CTNNA3: variants seen among roughly 807,000 people sequenced by gnomAD.
CTNNA3 encodes catenin alpha 3.
Under a neutral mutation model 95.7 loss-of-function variants are expected in CTNNA3, and 76 were observed. The observed-to-expected ratio is 0.79, with a 90% confidence interval of 0.66 to 0.96. CTNNA3 has a LOEUF of 0.96. Among genes scored for constraint, CTNNA3 ranks in the 40% least tolerant of loss-of-function variants. CTNNA3 has a pLI of 0.00. For missense variants in CTNNA3, 1,191 were observed against 1,089.8 expected, an observed-to-expected ratio of 1.09 and a Z score of -1.31; for synonymous variants, 431 against 374.4, an observed-to-expected ratio of 1.15 and a Z score of -1.74.
chr10:66,882,784 G>A lies in CTNNA3; in HGVS notation c.1048-107260C>T, dbSNP rs556585101. Among the ~76,000 whole-genome samples, 6 of 152,090 alleles carry A rather than the reference G, an allele frequency of 3.9e-5. No individual in the cohort carries two copies. The South Asian group carries it at 1.0e-3, about 26-fold the overall frequency. ...GAGAGAAGTGAAATAATTTATCAAG[G>A]GGAAAAAGATGAAAGCACAAAAGCA... On this transcript the variant is annotated intron_variant, in intron 7 of 17. Coordinates refer to ENST00000433211, the MANE Select transcript of CTNNA3 (RefSeq NM_013266.4).
At chr10:67,699,813 G>A (rs571121618), upstream of CTNNA3, among the ~76,000 whole-genome samples, 1 of 152,350 alleles carries the variant, frequency 6.6e-6, no homozygotes, top group East Asian at 1.9e-4. Flanking sequence ...GCCGAAGTCG[G>A]GCAAGCCACT....
intron 2 of CTNNA3, among the ~76,000 whole-genome samples, chr10:67,618,727 A>G (rs557496137): frequency 6.6e-5 from 10 of 152,344 alleles, no homozygotes; most frequent in African/African-American, 2.4e-4. Flanking sequence ...ATTTTATAGC[A>G]ACCAAAATAT....
chr10:67,301,560 T>C (rs948383751), intron 5 of CTNNA3, among the ~76,000 whole-genome samples: 7 of 152,190 alleles, frequency 4.6e-5, no homozygotes, highest in Admixed American at 4.6e-4. Flanking sequence ...CCCATGTTCA[T>C]AGCAGCATTA....
At chr10:66,377,175 G>T (rs933324167) in intron 12 of CTNNA3, among the ~76,000 whole-genome samples, 1 of 152,026 alleles carries the variant, frequency 6.6e-6, no homozygotes, top group Non-Finnish European at 1.5e-5. Context: ...ATTTTTCTGA[G>T]TAACTAAAAT....
intron 15 of CTNNA3, among the ~76,000 whole-genome samples, chr10:66,028,012 A>T (rs1164926280): frequency 2.0e-5 from 3 of 152,216 alleles, no homozygotes; most frequent in Admixed American, 1.3e-4. Context: ...GACAGACAAA[A>T]CCTGCATAAG....
intron 13 of CTNNA3, among the ~76,000 whole-genome samples, chr10:66,138,016 GA>G (rs1201373080): frequency 6.7e-6 from 1 of 150,044 alleles, no homozygotes; most frequent in African/African-American, 2.5e-5. Flanking sequence ...TCTATATAGA[GA>G]AAAAACAAAG....
intron 13 of CTNNA3, among the ~76,000 whole-genome samples, chr10:66,169,102 TGTGAGATTTTG>T (rs756301532): frequency 6.6e-6 from 1 of 152,156 alleles, no homozygotes; most frequent in Non-Finnish European, 1.5e-5. Context: ...AGTGGTGATT[TGTGAGATTTTG>T]GTGCACCCAT....
At chr10:66,405,677 TC>T (rs1249476019) in intron 11 of CTNNA3, among the ~76,000 whole-genome samples, 2 of 152,286 alleles carry the variant, frequency 1.3e-5, no homozygotes, top group East Asian at 3.9e-4. Flanking sequence ...AATTTCCTAT[TC>T]TTTTGCTGCA....
At chr10:66,863,180 TACACACACACAC>T (rs71035194) in intron 7 of CTNNA3, among the ~76,000 whole-genome samples, 12 of 147,806 alleles carry the variant, frequency 8.1e-5, no homozygotes, top group Middle Eastern at 3.2e-3. Flanking sequence ...GCCAATTCTT[TACACACACACAC>T]ACACACACAC....
chr10:66,415,296 C>A (rs74644996), intron 11 of CTNNA3, among the ~76,000 whole-genome samples: 1 of 150,910 alleles, frequency 6.6e-6, no homozygotes, highest in Non-Finnish European at 1.5e-5. Context: ...ATGACCACTC[C>A]TCTCGGGGAC....
chr10:67,127,676 T>C (rs1285790305), intron 7 of CTNNA3, among the ~76,000 whole-genome samples: 1 of 152,178 alleles, frequency 6.6e-6, no homozygotes, highest in Non-Finnish European at 1.5e-5. Flanking sequence ...GAGATTCCTG[T>C]CTAGGTACAT....
intron 7 of CTNNA3, among the ~76,000 whole-genome samples, chr10:66,953,676 A>G (rs573616243): frequency 6.5e-4 from 99 of 152,292 alleles, no homozygotes; most frequent in African/African-American, 2.3e-3. Context: ...CTACATAATA[A>G]TTTTATCTTT....
chr10:67,602,237 C>T (rs1435621374), intron 3 of CTNNA3, among the ~76,000 whole-genome samples: 1 of 150,764 alleles, frequency 6.6e-6, no homozygotes, highest in Non-Finnish European at 1.5e-5. Flanking sequence ...AAATATGTTT[C>T]AAGTATTTTG....
At chr10:67,231,451 T>G (rs1304173599) in intron 5 of CTNNA3, among the ~76,000 whole-genome samples, 1 of 152,080 alleles carries the variant, frequency 6.6e-6, no homozygotes, top group Non-Finnish European at 1.5e-5. Flanking sequence ...CCAACAGACC[T>G]GCAGCTGAGG....
At chr10:67,503,531 AAAT>A (rs1019057751) in intron 5 of CTNNA3, among the ~76,000 whole-genome samples, 30 of 152,332 alleles carry the variant, frequency 2.0e-4, no homozygotes, top group Admixed American at 2.0e-3. Flanking sequence ...GATATCTTAA[AAAT>A]AATATTTGTA....
intron 7 of CTNNA3, among the ~76,000 whole-genome samples, chr10:66,901,991 T>C (rs1255614602): frequency 2.0e-5 from 3 of 152,150 alleles, no homozygotes; most frequent in African/African-American, 7.2e-5. Context: ...CTAACAAGGA[T>C]ATTCATGGTT....
At chr10:67,389,287 A>G (rs1186846203) in intron 5 of CTNNA3, among the ~76,000 whole-genome samples, 4 of 151,390 alleles carry the variant, frequency 2.6e-5, no homozygotes, top group Non-Finnish European at 5.9e-5. Flanking sequence ...CAGACTTTAA[A>G]CCAACAAAGA....
At chr10:67,097,811 A>G (rs1858102877) in intron 7 of CTNNA3, 1 of 1,611,186 alleles carries the variant, frequency 6.2e-7, no homozygotes, top group African/African-American at 1.3e-5. Flanking sequence ...GATCATTGGT[A>G]GCCAGGGGTT....
chr10:66,671,273 T>C (rs7911942), intron 9 of CTNNA3, among the ~76,000 whole-genome samples: 136,728 of 152,170 alleles, frequency 0.9, 61,627 homozygotes, highest in East Asian at 1. Context: ...ATAACAATAT[T>C]ACAAAAGCTA....
Sources: allele counts gnomAD v4.1 joint callset (sites outside exome capture counted in the v4.1 genomes callset), GRCh38; gene constraint gnomAD v4.1.1; transcripts MANE v1.5; gene names NCBI Gene and HGNC (gene_info 2026-07-23, HGNC 2026-07-21).